PTPRT: variants seen among roughly 807,000 people sequenced by gnomAD.
PTPRT encodes the protein receptor-type tyrosine-protein phosphatase T.
PTPRT carries 56 observed loss-of-function variants against 176.8 expected under a neutral mutation model. The observed-to-expected ratio is 0.32, with a 90% CI of 0.26 to 0.40. PTPRT has a LOEUF of 0.40. Among genes scored for constraint, PTPRT ranks in the 10% least tolerant of loss-of-function variants. The probability of loss-of-function intolerance (pLI) is 1.00; values close to 1 mark genes in which losing one functional copy is unlikely to be tolerated. For missense variants in PTPRT, 1,540 were observed against 1,908.2 expected (o/e 0.81, Z 3.60); for synonymous variants, 783 against 739.0 (o/e 1.06, Z -0.96).
intron 15 of PTPRT, among the ~76,000 whole-genome samples, chr20:42,220,037 T>TTATATA (rs71335848): frequency 3.9e-4 from 46 of 116,690 alleles, no homozygotes; most frequent in Non-Finnish European, 4.7e-4. Flanking sequence ...TTTAAAAAAG[T>TTATATA]TATATATATA....
intron 2 of PTPRT, among the ~76,000 whole-genome samples, chr20:42,868,111 T>C (rs2078781766): frequency 6.6e-6 from 1 of 152,062 alleles, no homozygotes; most frequent in Non-Finnish European, 1.5e-5. Flanking sequence ...GGGTAATGAG[T>C]AGAAGCTGGA....
rs141781423 is a variant in PTPRT, at chr20:42,203,554, A to G, written c.2343-4166T>C. Among the ~76,000 whole-genome samples the G allele has an allele frequency of 1.2e-3, 187 of 152,246 alleles. 1 individual carries two copies. Among genetic ancestry groups the G allele is most frequent in the Non-Finnish European group, 1.9e-3 (130 of 68,024 alleles). ...CCTCCTCTTTGTCCTCCAAGGCTCA[A>G]TGTAAGTGTCACATCTCCTCTGAGG... On this transcript the variant is annotated intron_variant, in intron 15 of 30. Transcript: ENST00000373187.
chr20:42,738,164 T>C (rs2076564603), intron 6 of PTPRT, among the ~76,000 whole-genome samples: 1 of 152,142 alleles, frequency 6.6e-6, no homozygotes, highest in South Asian at 2.1e-4. Flanking sequence ...GCCGTAAAAT[T>C]ATAAACAAGC....
intron 7 of PTPRT, among the ~76,000 whole-genome samples, chr20:42,505,332 C>T (rs886368961): frequency 2.0e-5 from 3 of 152,028 alleles, no homozygotes; most frequent in African/African-American, 4.8e-5. Flanking sequence ...GATGGAGTCC[C>T]GCTCTGTCTC....
At chr20:42,782,477 A>G (rs1161694872) in intron 3 of PTPRT, among the ~76,000 whole-genome samples, 1 of 152,194 alleles carries the variant, frequency 6.6e-6, no homozygotes, top group Non-Finnish European at 1.5e-5. Flanking sequence ...TCATTGACCA[A>G]TAGTCTATTC....
At chr20:42,731,613 T>G (rs1379398693) in intron 6 of PTPRT, among the ~76,000 whole-genome samples, 1 of 152,208 alleles carries the variant, frequency 6.6e-6, no homozygotes, top group African/African-American at 2.4e-5. Flanking sequence ...GGCAGCATGG[T>G]ACAGCAGAAA....
At chr20:43,068,504 CAA>C (rs3092671) in intron 1 of PTPRT, among the ~76,000 whole-genome samples, 1,278 of 56,508 alleles carry the variant, frequency 0.023, 20 homozygotes, top group African/African-American at 0.06. Context: ...GACTCTGTCT[CAA>C]AAAAAAAAAA....
intron 1 of PTPRT, among the ~76,000 whole-genome samples, chr20:42,949,379 C>A (rs922599764): frequency 1.3e-5 from 2 of 152,194 alleles, no homozygotes; most frequent in African/African-American, 2.4e-5. Flanking sequence ...TGGAAGGAAG[C>A]CCAAGCTAGC....
At chr20:43,119,691 A>G (rs1200170638) in intron 1 of PTPRT, among the ~76,000 whole-genome samples, 1 of 152,194 alleles carries the variant, frequency 6.6e-6, no homozygotes, top group Non-Finnish European at 1.5e-5. Context: ...TTTTATGATT[A>G]TTGCCAAAAA....
rs1359299139 is a variant in PTPRT at position 42,771,562 on chromosome 20, A to G, written c.569-12T>C. 1 of 1,603,598 alleles carries G rather than the reference A, an allele frequency of 6.2e-7. No homozygotes were observed. The highest frequency in any genetic ancestry group is 1.7e-5 in the Admixed American group (1 of 60,000). On this transcript the variant is annotated splice_polypyrimidine_tract_variant and intron_variant, in intron 4 of 30. Coordinates refer to ENST00000373187, the MANE Select transcript of PTPRT (RefSeq NM_007050.6). ...ATGAGGTGCTTTTCCTAAGAGAGAA[A>G]CCAAAGAACACAAGAGAATGAGATT...
At chr20:42,600,328 C>T (rs969030363) in intron 7 of PTPRT, among the ~76,000 whole-genome samples, 4 of 152,030 alleles carry the variant, frequency 2.6e-5, no homozygotes, top group Non-Finnish European at 5.9e-5. Context: ...TTAGTAGAGA[C>T]GGGGTTTCAC....
intron 7 of PTPRT, among the ~76,000 whole-genome samples, chr20:42,661,796 G>A (rs562896586): frequency 6.6e-6 from 1 of 152,314 alleles, no homozygotes; most frequent in Non-Finnish European, 1.5e-5. Flanking sequence ...AGAAACAACT[G>A]ACACTCTGGT....
chr20:42,291,301 A>G (rs2057313014), intron 12 of PTPRT, among the ~76,000 whole-genome samples: 1 of 152,196 alleles, frequency 6.6e-6, no homozygotes, highest in Non-Finnish European at 1.5e-5. Context: ...ATACGACCAA[A>G]GTAGACATGG....
At chr20:42,831,587 C>A (rs564347611) in intron 2 of PTPRT, among the ~76,000 whole-genome samples, 1 of 152,222 alleles carries the variant, frequency 6.6e-6, no homozygotes, top group Admixed American at 6.5e-5. Flanking sequence ...ACAGAGTAAA[C>A]AGACAACCTA....
intron 9 of PTPRT, among the ~76,000 whole-genome samples, chr20:42,366,392 T>C (rs1193960613): frequency 6.6e-6 from 1 of 152,222 alleles, no homozygotes; most frequent in Non-Finnish European, 1.5e-5. Context: ...TGCTAAGTGG[T>C]TTTCTCCCTC....
At chr20:42,069,922 TGGGTGC>T (rs1428893842), downstream of PTPRT, among the ~76,000 whole-genome samples, 2 of 152,192 alleles carry the variant, frequency 1.3e-5, no homozygotes, top group Non-Finnish European at 2.9e-5. Flanking sequence ...CATCTCCCTG[TGGGTGC>T]CATGTCTCTA....
intron 1 of PTPRT, among the ~76,000 whole-genome samples, chr20:43,019,386 C>G (rs1434629448): frequency 6.6e-6 from 1 of 152,152 alleles, no homozygotes; most frequent in East Asian, 1.9e-4. Context: ...TTTGGGAGGT[C>G]AAGGCGGGCA....
At chr20:43,109,736 G>A (rs562845085) in intron 1 of PTPRT, among the ~76,000 whole-genome samples, 1 of 152,278 alleles carries the variant, frequency 6.6e-6, no homozygotes, top group East Asian at 1.9e-4. Context: ...AGTGGACAAG[G>A]AAGATCCTGC....
intron 18 of PTPRT, among the ~76,000 whole-genome samples, chr20:42,134,654 T>G (rs1988286987): frequency 6.6e-6 from 1 of 152,160 alleles, no homozygotes; most frequent in Non-Finnish European, 1.5e-5. Flanking sequence ...TACAGCTCCC[T>G]GTGGGAAAAA....
Sources: allele counts gnomAD v4.1 joint callset (sites outside exome capture counted in the v4.1 genomes callset), GRCh38; gene constraint gnomAD v4.1.1; transcripts MANE v1.5; gene names NCBI Gene and HGNC (gene_info 2026-07-23, HGNC 2026-07-21).